The following DOCK3 variants were observed in gnomAD, a reference collection of about 807,000 sequenced individuals.
The protein encoded by DOCK3 is dedicator of cytokinesis protein 3.
Under a neutral mutation model 265.6 loss-of-function variants are expected in DOCK3, and 60 were observed. The ratio of observed to expected loss-of-function variants is 0.23; its 90% confidence interval spans 0.18 to 0.28. The LOEUF is 0.28. DOCK3 is among the 10% of genes least tolerant of loss of function. DOCK3 has a pLI of 1.00. For synonymous variants in DOCK3, 881 were observed against 938.0 expected, an observed-to-expected ratio of 0.94 and a Z score of 1.11; for missense variants, 1,981 against 2,594.3, an observed-to-expected ratio of 0.76 and a Z score of 5.14.
intron 2 of DOCK3, among the ~76,000 whole-genome samples, chr3:50,782,331 C>A (rs1194263050): frequency 2.5e-5 from 3 of 120,146 alleles, no homozygotes; most frequent in Admixed American, 2.2e-4. Context: ...CGCTCTGTCG[C>A]CCAGGCTGGA....
intron 5 of DOCK3, among the ~76,000 whole-genome samples, chr3:51,049,829 C>CACACACACACA (rs377417609): frequency 4.8e-5 from 7 of 144,354 alleles, no homozygotes; most frequent in South Asian, 4.5e-4. Context: ...ACACACACAC[C>CACACACACACA]CCAAAAAAAC....
intron 9 of DOCK3, among the ~76,000 whole-genome samples, chr3:51,116,055 T>G (rs964873676): frequency 6.6e-6 from 1 of 152,190 alleles, no homozygotes; most frequent in Non-Finnish European, 1.5e-5. Flanking sequence ...CACCTTGTAG[T>G]ATAGTTTAAA....
chr3:51,219,310 G>A (rs2089959360), intron 14 of DOCK3, among the ~76,000 whole-genome samples: 1 of 152,096 alleles, frequency 6.6e-6, no homozygotes, highest in Non-Finnish European at 1.5e-5. Flanking sequence ...TCTTTTGTGT[G>A]CTCTGTCTGC....
chr3:51,127,918 T>C (rs559431385), intron 9 of DOCK3, among the ~76,000 whole-genome samples: 1 of 152,250 alleles, frequency 6.6e-6, no homozygotes, highest in South Asian at 2.1e-4. Context: ...CCCTAATGGG[T>C]CTCCTGTATT....
At chr3:50,871,766 T>G (rs1329822617) in intron 3 of DOCK3, among the ~76,000 whole-genome samples, 1 of 152,222 alleles carries the variant, frequency 6.6e-6, no homozygotes, top group Non-Finnish European at 1.5e-5. Flanking sequence ...AGCTCACTAA[T>G]TCTTTCTTGT....
chr3:51,260,281 G>A lies in DOCK3; in HGVS notation c.2310G>A (p.Val770=). The part of the protein sequence containing the change: ...IQELFQSIRF[V]LSLDSRNSET... Reference sequence around the variant, plus strand: ...AACTTTTCCAGTCCATCCGGTTTGTGCTCAGTCTGGACAGCCGAAACTCAG... The same window carrying A: ...AACTTTTCCAGTCCATCCGGTTTGTACTCAGTCTGGACAGCCGAAACTCAG... Residue 770 remains valine (V), a synonymous_variant, in exon 23 of 53, where the codon GTG becomes GTA. Coordinates refer to ENST00000266037, the MANE Select transcript of DOCK3 (RefSeq NM_004947.5). 6.2e-7 allele frequency: 1 copy of A among 1,613,926 alleles called. No individual in the cohort carries two copies. The highest frequency in any genetic ancestry group is 1.1e-5 in the South Asian group (1 of 91,072).
At chr3:51,125,309 C>T (rs1422874733) in intron 9 of DOCK3, among the ~76,000 whole-genome samples, 1 of 152,074 alleles carries the variant, frequency 6.6e-6, no homozygotes, top group Admixed American at 6.6e-5. Context: ...CCTGAACTTC[C>T]CAGTTGTGTA....
chr3:50,677,360 C>G (rs1165149673), intron 1 of DOCK3, among the ~76,000 whole-genome samples: 1 of 152,168 alleles, frequency 6.6e-6, no homozygotes, highest in Non-Finnish European at 1.5e-5. Context: ...GGCTACACTT[C>G]TAGAACTTTT....
At chr3:51,270,125 A>G (rs2080421343) in intron 23 of DOCK3, among the ~76,000 whole-genome samples, 1 of 151,726 alleles carries the variant, frequency 6.6e-6, no homozygotes, top group Non-Finnish European at 1.5e-5. Flanking sequence ...GCACACTCCC[A>G]CTCCCCTTGC....
intron 1 of DOCK3, among the ~76,000 whole-genome samples, chr3:50,710,570 A>T (rs1007819876): frequency 6.6e-6 from 1 of 152,260 alleles, no homozygotes; most frequent in Admixed American, 6.5e-5. Context: ...GGGAATGTAA[A>T]CTAGTACAAC....
At chr3:51,143,400 G>T (rs927215598) in intron 9 of DOCK3, among the ~76,000 whole-genome samples, 1 of 151,386 alleles carries the variant, frequency 6.6e-6, no homozygotes, top group African/African-American at 2.4e-5. Context: ...CTCCTGAGTA[G>T]CTGGGATTAC....
At chr3:51,282,530 G>A (rs993625748) in intron 27 of DOCK3, among the ~76,000 whole-genome samples, 1 of 151,848 alleles carries the variant, frequency 6.6e-6, no homozygotes, top group South Asian at 2.1e-4. Context: ...GTGCACGCCT[G>A]TAATCCCAGC....
chr3:51,153,263 A>G (rs914710207), intron 10 of DOCK3, among the ~76,000 whole-genome samples: 1 of 152,210 alleles, frequency 6.6e-6, no homozygotes, highest in Non-Finnish European at 1.5e-5. Context: ...AGACTGCTGC[A>G]CTAGCACTGA....
chr3:51,005,583 T>C (rs1575732192), intron 5 of DOCK3, among the ~76,000 whole-genome samples: 1 of 152,282 alleles, frequency 6.6e-6, no homozygotes, highest in Non-Finnish European at 1.5e-5. Context: ...CCTTTCTTGG[T>C]ATTTATCTCA....
intron 27 of DOCK3, among the ~76,000 whole-genome samples, chr3:51,298,714 C>T (rs2082229482): frequency 6.6e-6 from 1 of 152,130 alleles, no homozygotes; most frequent in African/African-American, 2.4e-5. Flanking sequence ...CTTCCAGCTC[C>T]ATCCATGTCC....
intron 5 of DOCK3, among the ~76,000 whole-genome samples, chr3:51,018,215 A>C (rs2079434641): frequency 6.6e-6 from 1 of 151,648 alleles, no homozygotes; most frequent in Admixed American, 6.6e-5. Context: ...CTTTCACCAA[A>C]ACTCTTGGTT....
intron 4 of DOCK3, among the ~76,000 whole-genome samples, chr3:50,920,842 G>A (rs950269618): frequency 2.0e-5 from 3 of 152,076 alleles, no homozygotes; most frequent in African/African-American, 7.2e-5. Flanking sequence ...TGTGATGTTA[G>A]GGTGTCAATT....
intron 2 of DOCK3, among the ~76,000 whole-genome samples, chr3:50,839,411 A>G (rs577190291): frequency 2.0e-5 from 3 of 152,296 alleles, no homozygotes; most frequent in African/African-American, 7.2e-5. Flanking sequence ...GAAACTGCCA[A>G]ACTGTCTTCC....
chr3:51,194,762 G>C (rs907926410), intron 12 of DOCK3, among the ~76,000 whole-genome samples: 2 of 142,072 alleles, frequency 1.4e-5, no homozygotes, highest in African/African-American at 5.2e-5. Flanking sequence ...AGAATATCTT[G>C]TTTTCATTTC....
Sources: gnomAD v4.1 joint callset for allele counts (sites outside exome capture counted in the v4.1 genomes callset) on GRCh38, gnomAD v4.1.1 for gene constraint, MANE v1.5 for transcripts, NCBI Gene and HGNC (gene_info 2026-07-23, HGNC 2026-07-21) for gene names.